The following DGKA variants were observed in gnomAD, a reference collection of about 807,000 sequenced individuals.
DGKA encodes the protein diacylglycerol kinase alpha, also known as 80 kDa diacylglycerol kinase.
DGKA carries 35 observed loss-of-function variants against 105.0 expected under a neutral mutation model. That is an observed-to-expected ratio of 0.33 (90% confidence interval 0.25 to 0.44). The LOEUF (loss-of-function observed/expected upper bound fraction) is 0.44. Among genes scored for constraint, DGKA ranks in the 20% least tolerant of loss-of-function variants. The probability of loss-of-function intolerance (pLI) is 1.00; values close to 1 mark genes in which losing one functional copy is unlikely to be tolerated. For synonymous variants in DGKA, 296 were observed against 332.0 expected, an observed-to-expected ratio of 0.89 and a Z score of 1.18; for missense variants, 665 against 915.0, an observed-to-expected ratio of 0.73 and a Z score of 3.53.
chr12:55,927,373 C>T (rs771381525), upstream of DGKA: 1 of 719,870 alleles, frequency 1.4e-6, no homozygotes, highest in African/African-American at 1.7e-5. Context: ...AGAGAAGTTC[C>T]GAGGCACAGT....
At chr12:55,938,699 G>A (rs1169203582) in intron 6 of DGKA, 139 bp downstream of exon 6, 20 of 1,580,598 alleles carry the variant, frequency 1.3e-5, no homozygotes, top group African/African-American at 2.7e-5. Flanking sequence ...AAATTTGAAA[G>A]TAAGTCCCAA....
chr12:55,928,066 T>G (rs1025244454), upstream of DGKA, among the ~76,000 whole-genome samples: 1 of 152,106 alleles, frequency 6.6e-6, no homozygotes, highest in African/African-American at 2.4e-5. Context: ...GCGCCGTACC[T>G]CCCTATTCTG....
chr12:55,940,217 C>T lies in DGKA; in HGVS notation c.798+47C>T. The T allele has an allele frequency of 6.2e-7, 1 of 1,613,950 alleles. No homozygotes were observed. ...CCCCCAACATCACCTACATCCTGGC[C>T]CTGGCCCTGGCCCTTGGCCCATTGC... On this transcript the variant is annotated intron_variant, in intron 10 of 23. Transcript: ENST00000331886. The surrounding 1 kb of genome is among the most constrained non-coding windows in gnomAD (Gnocchi z 4.3).
intron 18 of DGKA, 39 bp from the exon 19 acceptor site, chr12:55,951,996 T>C (rs1485139807): frequency 1.9e-6 from 3 of 1,610,174 alleles, no homozygotes; most frequent in East Asian, 4.5e-5. Flanking sequence ...GAGGGAGAGA[T>C]TGAGCTCTGT....
chr12:55,943,783 A>G (rs772168185), intron 17 of DGKA, among the ~76,000 whole-genome samples: 1 of 152,172 alleles, frequency 6.6e-6, no homozygotes, highest in Non-Finnish European at 1.5e-5. Flanking sequence ...ATATATAGAC[A>G]TATAACCAAT....
chr12:55,928,017 T>G, upstream of DGKA: 1 of 533,116 alleles, frequency 1.9e-6, no homozygotes, highest in Non-Finnish European at 3.3e-6. Flanking sequence ...TCGCCAATAA[T>G]CCGGTCCCGT....
rs193168174 is a variant in DGKA, at chr12:55,947,950, T to A, written c.1427-3673T>A. On this transcript the variant is annotated intron_variant, in intron 17 of 23. Coordinates refer to ENST00000331886, the MANE Select transcript of DGKA (RefSeq NM_001345.5). Reference sequence around the variant, plus strand: ...GACTAAAGGCACGCGCCACCACGCCTGGCTAATTTTTTGTATTTTCGGTAG... The same window carrying A: ...GACTAAAGGCACGCGCCACCACGCCAGGCTAATTTTTTGTATTTTCGGTAG... 7.9e-5 allele frequency among the ~76,000 whole-genome samples: 12 copies of A among 152,084 alleles called. No homozygotes were observed. The East Asian group carries it at 2.4e-3, about 30-fold the overall frequency.
chr12:55,927,661 C>G (rs1423817797), upstream of DGKA: 2 of 1,528,722 alleles, frequency 1.3e-6, no homozygotes, highest in African/African-American at 2.7e-5. Context: ...GTCGGCCAAC[C>G]CACTCAACCA....
At chr12:55,941,221 T>C (rs748229546) in intron 13 of DGKA, 31 bp from the exon 14 acceptor site, 2 of 1,595,092 alleles carry the variant, frequency 1.3e-6, no homozygotes, top group African/African-American at 2.7e-5. Context: ...AATCCTGCTT[T>C]CTTTGTCCTT....
intron 6 of DGKA, 21 bp downstream of exon 6, chr12:55,938,581 G>A: frequency 2.5e-6 from 4 of 1,614,050 alleles, no homozygotes; most frequent in South Asian, 1.1e-5. Flanking sequence ...GACCCTGTAT[G>A]CTGGGCAAGG....
chr12:55,935,003 AG>A (rs1884364611), intron 1 of DGKA, among the ~76,000 whole-genome samples: 1 of 152,190 alleles, frequency 6.6e-6, no homozygotes, highest in African/African-American at 2.4e-5. Flanking sequence ...GTGGAACAAG[AG>A]GAGGGCAGAG....
chr12:55,927,401 A>T (rs1375912738), upstream of DGKA: 1 of 712,996 alleles, frequency 1.4e-6, no homozygotes, highest in Non-Finnish European at 2.5e-6. Flanking sequence ...ATCCCCAGGA[A>T]CTCCTCGTAC....
At chr12:55,936,112 A>G in intron 1 of DGKA, 1 of 881,152 alleles carries the variant, frequency 1.1e-6, no homozygotes, top group Non-Finnish European at 1.4e-6. Flanking sequence ...ATATAGACTG[A>G]GAAAGCCGGG....
chr12:55,936,126 G>A (rs1884646284), intron 1 of DGKA: 1 of 769,000 alleles, frequency 1.3e-6, no homozygotes, highest in Non-Finnish European at 1.6e-6. Context: ...AGCCGGGTGC[G>A]GGTGGGAAGG....
In DGKA at chr12:55,941,595, G is replaced by A. The variant is rs750426363; in HGVS notation, c.1250+11G>A. On this transcript the variant is annotated intron_variant, in intron 15 of 23. Transcript: ENST00000331886. ...TGGTCCTGAGATAGGGTGAGCACAG[G>A]TTAGGGACTGTATCACAGTGTTTTC... 6.2e-7 allele frequency: 1 copy of A among 1,613,786 alleles called. No individual in the cohort carries two copies. Among genetic ancestry groups the A allele is most frequent in the African/African-American group, 1.3e-5 (1 of 75,038 alleles).
In DGKA at chr12:55,936,580, G is replaced by A; in HGVS notation, c.64+13G>A. ...AAATACATGGAATGTGAGTCTTCCTGTCAGGCCTTCAGTTCTGGAGACCCT... is the reference window on the plus strand; with the variant it reads ...AAATACATGGAATGTGAGTCTTCCTATCAGGCCTTCAGTTCTGGAGACCCT... On this transcript the variant is annotated intron_variant, in intron 2 of 23. Coordinates refer to ENST00000331886, the MANE Select transcript of DGKA (RefSeq NM_001345.5). The A allele has an allele frequency of 6.2e-7, 1 of 1,614,176 alleles. No homozygotes were observed. Among genetic ancestry groups the A allele is most frequent in the Non-Finnish European group, 8.5e-7 (1 of 1,180,022 alleles).
upstream of DGKA, chr12:55,929,040 C>G (rs1337201171): frequency 6.6e-6 from 1 of 151,186 alleles, no homozygotes; most frequent in Non-Finnish European, 1.5e-5. Context: ...GCCTGTAATC[C>G]CAGCTACTCG....
At chr12:55,938,460 C>A (rs750613194) in intron 5 of DGKA, 51 bp from the exon 6 acceptor site, 34 of 1,609,046 alleles carry the variant, frequency 2.1e-5, no homozygotes, top group East Asian at 4.5e-5. Context: ...GGTATGAATT[C>A]TTTGGGTATC....
At position 55,941,621 on chromosome 12, in the gene DGKA, G is replaced by A. The variant is rs2291616; in HGVS notation, c.1250+37G>A. The A allele has an allele frequency of 4.1e-4, 655 of 1,596,976 alleles. 5 individuals are homozygous for A. In the East Asian group the frequency reaches 0.014, roughly 34 times the overall value. On this transcript the variant is annotated intron_variant, in intron 15 of 23. Coordinates refer to ENST00000331886, the MANE Select transcript of DGKA (RefSeq NM_001345.5). ...TTAGGGACTGTATCACAGTGTTTTCGTGGGTCTGTGTATCTGTATATGTTA... is the reference window on the plus strand; with the variant it reads ...TTAGGGACTGTATCACAGTGTTTTCATGGGTCTGTGTATCTGTATATGTTA...
Sources: gnomAD v4.1 joint callset for allele counts (sites outside exome capture counted in the v4.1 genomes callset) on GRCh38, gnomAD v4.1.1 for gene constraint, Gnocchi (gnomAD v3.1) non-coding constraint, MANE v1.5 for transcripts, NCBI Gene and HGNC (gene_info 2026-07-23, HGNC 2026-07-21) for gene names.